Variants in EYA1 observed in about 807,000 individuals in gnomAD.
EYA1 encodes EYA transcriptional coactivator and phosphatase 1, also known as protein phosphatase EYA1.
EYA1 carries 16 observed loss-of-function variants against 82.0 expected under a neutral mutation model. The observed-to-expected ratio is 0.20, with a 90% CI of 0.13 to 0.30. The LOEUF (loss-of-function observed/expected upper bound fraction) is 0.30, where lower values mean the gene tolerates loss of function less well. EYA1 is among the 10% of genes least tolerant of loss of function. EYA1 has a pLI of 1.00. For missense variants in EYA1, 633 were observed against 730.7 expected, an observed-to-expected ratio of 0.87 and a Z score of 1.54; for synonymous variants, 261 against 264.4, an observed-to-expected ratio of 0.99 and a Z score of 0.12.
rs779423947 is a variant in EYA1, at chr8:71,216,779, G to A, written c.1273C>T (p.Arg425Trp). Residue 425 changes from arginine (R) to tryptophan (W), a missense_variant, in exon 14 of 18, where the codon CGG becomes TGG. Physicochemically the swap from Arg to Trp is moderately radical, Grantham distance 101. Coordinates refer to ENST00000340726, the MANE Select transcript of EYA1 (RefSeq NM_000503.6). The stretch of plus-strand genomic sequence containing the variant: ...TTTCTCATCCAGTCCACACCGCCCC[G>A]TACACCAGTTGCCAAACATAAGTTA... ...SANLCLATGVRGGVDWMRKLA... is the reference protein window; with the variant it reads ...SANLCLATGVWGGVDWMRKLA... 8 of 1,614,036 alleles carry A rather than the reference G, an allele frequency of 5.0e-6. No homozygotes were observed. Among genetic ancestry groups the A allele is most frequent in the African/African-American group, 1.3e-5 (1 of 75,024 alleles).
At chr8:71,449,779 G>A (rs76395315) in intron 2 of EYA1, among the ~76,000 whole-genome samples, 11,015 of 152,226 alleles carry the variant, frequency 0.072, 505 homozygotes, top group Middle Eastern at 0.11. Flanking sequence ...TCTTCCACAG[G>A]AAGACTTTTG....
intron 2 of EYA1, among the ~76,000 whole-genome samples, chr8:71,406,615 A>G (rs560706024): frequency 3.3e-5 from 5 of 152,328 alleles, no homozygotes; most frequent in African/African-American, 1.2e-4. Flanking sequence ...GGGGTGACGG[A>G]TGCACCTGGA....
At chr8:71,307,350 G>C (rs56070845) in intron 7 of EYA1, among the ~76,000 whole-genome samples, 12,346 of 151,994 alleles carry the variant, frequency 0.081, 598 homozygotes, top group African/African-American at 0.13. Flanking sequence ...TGTCACCCAG[G>C]CTAGAGTGCA....
intron 9 of EYA1, among the ~76,000 whole-genome samples, chr8:71,292,507 T>C (rs1218215122): frequency 2.0e-5 from 3 of 152,044 alleles, no homozygotes; most frequent in South Asian, 2.1e-4. Flanking sequence ...AGAGTGAAAT[T>C]TGAATTTACC....
intron 1 of EYA1, among the ~76,000 whole-genome samples, chr8:71,540,448 G>T: frequency 6.6e-6 from 1 of 152,138 alleles, no homozygotes; most frequent in Non-Finnish European, 1.5e-5. Context: ...TAGAACAAAA[G>T]ATTGGGAGAA....
At chr8:71,501,248 G>A (rs555621959) in intron 2 of EYA1, among the ~76,000 whole-genome samples, 8 of 152,294 alleles carry the variant, frequency 5.3e-5, no homozygotes, top group African/African-American at 9.6e-5. Flanking sequence ...AAAGGAAGCC[G>A]GGGTCCCCTA....
intron 11 of EYA1, among the ~76,000 whole-genome samples, chr8:71,245,094 C>T (rs894314332): frequency 6.6e-6 from 1 of 152,200 alleles, no homozygotes; most frequent in African/African-American, 2.4e-5. Context: ...TGCACTGTCA[C>T]AAATATCAGA....
chr8:71,381,357 C>T lies in EYA1; in HGVS notation c.34-24846G>A, dbSNP rs75048198. Among the ~76,000 whole-genome samples, 11 of 152,306 alleles carry T rather than the reference C, an allele frequency of 7.2e-5. No homozygotes were observed. In the East Asian group the frequency reaches 9.7e-4, roughly 13 times the overall value. On this transcript the variant is annotated intron_variant, in intron 2 of 18. Coordinates refer to the EYA1 transcript ENST00000643681. Reference sequence around the variant, plus strand: ...GGGAACAAATGTGGAAGGAAAGAAGCTTCTTCTGCCCTGTCAGTCTCTGCA... The same window carrying T: ...GGGAACAAATGTGGAAGGAAAGAAGTTTCTTCTGCCCTGTCAGTCTCTGCA...
intron 9 of EYA1, among the ~76,000 whole-genome samples, chr8:71,293,134 G>T (rs1819189227): frequency 6.6e-6 from 1 of 151,960 alleles, no homozygotes; most frequent in Admixed American, 6.5e-5. Context: ...AACATTAAAA[G>T]GATAATAAAG....
intron 2 of EYA1, among the ~76,000 whole-genome samples, chr8:71,420,376 C>A (rs192822644): frequency 9.8e-4 from 149 of 152,104 alleles, no homozygotes; most frequent in Admixed American, 7.8e-3. Context: ...TTTAAACAAC[C>A]TAGGATATGT....
At chr8:71,532,463 T>C (rs1814366576) in intron 2 of EYA1, among the ~76,000 whole-genome samples, 1 of 152,206 alleles carries the variant, frequency 6.6e-6, no homozygotes, top group Admixed American at 6.5e-5. Context: ...CACATATGTA[T>C]CTATGTAGTA....
chr8:71,414,292 C>T (rs962820399), intron 2 of EYA1, among the ~76,000 whole-genome samples: 3 of 152,166 alleles, frequency 2.0e-5, no homozygotes, highest in African/African-American at 7.2e-5. Flanking sequence ...CTCCAAGCAG[C>T]TGGAGGAATA....
intron 2 of EYA1, among the ~76,000 whole-genome samples, chr8:71,503,427 C>T (rs192614032): frequency 3.3e-5 from 5 of 151,698 alleles, no homozygotes; most frequent in Admixed American, 2.6e-4. Context: ...GAGCCGAGAT[C>T]GTGCCACTGC....
chr8:71,248,424 T>C (rs1813362234), intron 11 of EYA1, among the ~76,000 whole-genome samples: 1 of 152,236 alleles, frequency 6.6e-6, no homozygotes, highest in Non-Finnish European at 1.5e-5. Context: ...ACAGCTGAAA[T>C]ATATTTGCCA....
At chr8:71,279,284 T>C (rs928891723) in intron 9 of EYA1, among the ~76,000 whole-genome samples, 1 of 152,174 alleles carries the variant, frequency 6.6e-6, no homozygotes, top group Admixed American at 6.5e-5. Flanking sequence ...TTAAAGCACA[T>C]TGTACACATG....
chr8:71,491,982 T>C (rs1234083784), intron 2 of EYA1, among the ~76,000 whole-genome samples: 3 of 152,122 alleles, frequency 2.0e-5, no homozygotes, highest in Admixed American at 6.5e-5. Flanking sequence ...CAGCATCCCA[T>C]GTGGAAGGAA....
At chr8:71,333,269 A>T (rs911136563) in intron 4 of EYA1, among the ~76,000 whole-genome samples, 1 of 152,126 alleles carries the variant, frequency 6.6e-6, no homozygotes, top group African/African-American at 2.4e-5. Flanking sequence ...TTTGCATTTC[A>T]TTTTGTATTT....
chr8:71,346,465 T>TATATATATATATA (rs3066858), intron 3 of EYA1, among the ~76,000 whole-genome samples: 1 of 146,522 alleles, frequency 6.8e-6, no homozygotes, highest in East Asian at 2.0e-4. Flanking sequence ...TCTATATATA[T>TATATATATATATA]CCTTCTCCCT....
intron 2 of EYA1, among the ~76,000 whole-genome samples, chr8:71,433,067 C>A (rs981035220): frequency 2.6e-5 from 4 of 152,160 alleles, no homozygotes; most frequent in Non-Finnish European, 5.9e-5. Context: ...TACTAGGATG[C>A]CTCAGCCATG....
Sources: gnomAD v4.1 joint callset for allele counts (sites outside exome capture counted in the v4.1 genomes callset) on GRCh38, gnomAD v4.1.1 for gene constraint, MANE v1.5 for transcripts, NCBI Gene and HGNC (gene_info 2026-07-23, HGNC 2026-07-21) for gene names.